The following ATP8A1 variants were observed in gnomAD, a reference collection of about 807,000 sequenced individuals.
ATP8A1 encodes ATPase phospholipid transporting 8A1.
ATP8A1 carries 90 observed loss-of-function variants against 177.7 expected under a neutral mutation model. That is an observed-to-expected ratio of 0.51 (90% CI 0.43 to 0.60). ATP8A1 has a LOEUF of 0.60. Ranked by LOEUF, ATP8A1 falls within the 20% of genes least tolerant of loss-of-function variation. The pLI, the probability that ATP8A1 is intolerant of heterozygous loss-of-function variation, is 0.00. For synonymous variants in ATP8A1, 493 were observed against 485.9 expected, an observed-to-expected ratio of 1.01 and a Z score of -0.19; for missense variants, 1,072 against 1,392.8, an observed-to-expected ratio of 0.77 and a Z score of 3.67.
intron 25 of ATP8A1, among the ~76,000 whole-genome samples, chr4:42,475,756 G>T (rs1433967619): frequency 2.6e-5 from 4 of 152,062 alleles, no homozygotes; most frequent in Non-Finnish European, 5.9e-5. Flanking sequence ...AAAAAACCAG[G>T]GCCGGGCTGG....
chr4:42,454,240 A>C (rs1718233856), intron 29 of ATP8A1, among the ~76,000 whole-genome samples: 1 of 152,204 alleles, frequency 6.6e-6, no homozygotes, highest in African/African-American at 2.4e-5. Flanking sequence ...CTTGCCCATA[A>C]ACCTAGCACT....
Position 42,605,133 on chromosome 4 carries a change from T to C in ATP8A1, c.410-4615A>G, listed in dbSNP as rs557137231. Among the ~76,000 whole-genome samples the C allele has an allele frequency of 1.4e-4, 21 of 152,356 alleles. No individual in the cohort carries two copies. In the South Asian group the frequency reaches 3.3e-3, roughly 24 times the overall value. On this transcript the variant is annotated intron_variant, in intron 5 of 36. Coordinates refer to ENST00000381668, the MANE Select transcript of ATP8A1 (RefSeq NM_006095.2). ...ACCTTGTGAATGCACTAAACACCCCTGAACTGTATCCTTCAACATGGTGAG... is the reference window on the plus strand; with the variant it reads ...ACCTTGTGAATGCACTAAACACCCCCGAACTGTATCCTTCAACATGGTGAG...
chr4:42,544,754 C>G (rs991493748), intron 19 of ATP8A1, among the ~76,000 whole-genome samples: 1 of 152,172 alleles, frequency 6.6e-6, no homozygotes, highest in African/African-American at 2.4e-5. Flanking sequence ...ACTCAAATGT[C>G]TGTATCTATT....
intron 10 of ATP8A1, among the ~76,000 whole-genome samples, chr4:42,581,197 G>C (rs183196786): frequency 2.6e-5 from 4 of 151,832 alleles, no homozygotes; most frequent in Non-Finnish European, 2.9e-5. Flanking sequence ...ACAGTGGCGC[G>C]ATCTCGGCTC....
intron 14 of ATP8A1, 95 bp from the exon 15 acceptor site, chr4:42,569,300 G>A (rs1577609047): frequency 2.2e-6 from 2 of 917,212 alleles, no homozygotes; most frequent in African/African-American, 1.7e-5. Context: ...ATAAAAAGAT[G>A]GATCACTGAA....
Position 42,624,580 on chromosome 4 carries a change from A to G in ATP8A1, c.319T>C (p.Phe107Leu). The G allele has an allele frequency of 6.6e-7, 1 of 1,504,682 alleles. No individual in the cohort carries two copies. Among genetic ancestry groups the G allele is most frequent in the African/African-American group, 1.4e-5 (1 of 70,950 alleles). The allele number at this position is 1,504,682 out of a possible 1,614,324, so 93.2% of individuals were successfully genotyped here. Reference protein sequence around the residue: ...GRYTTLVPLLFILAVAAIKEI... With the variant: ...GRYTTLVPLLLILAVAAIKEI... The stretch of plus-strand genomic sequence containing the variant: ...TTGATAGCTGCCACAGCTAAAATAA[A>G]TAAGAGAGGAACCAGTGTTGTATAA... The change falls in exon 4 of 37, where the codon TTT (phenylalanine) becomes CTT (leucine). Residue 107 changes from phenylalanine to leucine, a missense_variant. This residue lies in a region of ATP8A1 where 344 missense variants were observed against 393.5 expected (regional missense o/e 0.87). Transcript: ENST00000381668.
At chr4:42,413,338 G>A (rs1435645500) in intron 36 of ATP8A1, among the ~76,000 whole-genome samples, 1 of 152,164 alleles carries the variant, frequency 6.6e-6, no homozygotes, top group East Asian at 1.9e-4. Context: ...TGGAGGGGGT[G>A]AGGGAGTTGA....
At chr4:42,505,961 C>T (rs1379478615) in intron 23 of ATP8A1, among the ~76,000 whole-genome samples, 2 of 152,058 alleles carry the variant, frequency 1.3e-5, no homozygotes, top group Non-Finnish European at 2.9e-5. Flanking sequence ...GCTGGTACTA[C>T]AGGCTTCCAA....
intron 15 of ATP8A1, among the ~76,000 whole-genome samples, chr4:42,564,081 C>A (rs1328729079): frequency 6.6e-6 from 1 of 152,142 alleles, no homozygotes; most frequent in African/African-American, 2.4e-5. Flanking sequence ...GACAAGACAG[C>A]AGAATTCTGT....
At chr4:42,485,447 A>C in intron 25 of ATP8A1, 49 bp downstream of exon 25, 2 of 1,503,910 alleles carry the variant, frequency 1.3e-6, no homozygotes, top group Non-Finnish European at 1.8e-6. Context: ...TCAAGAACTT[A>C]GATCAAGTCA....
At chr4:42,627,252 C>A (rs918305648) in intron 1 of ATP8A1, 143 bp from the exon 2 acceptor site, 3 of 607,484 alleles carry the variant, frequency 4.9e-6, no homozygotes, top group Non-Finnish European at 8.6e-6. Flanking sequence ...TAAAAAGTAA[C>A]ATCCCCATAT....
chr4:42,443,724 C>A (rs1461465111), intron 32 of ATP8A1, 52 bp from the exon 33 acceptor site: 2 of 793,058 alleles, frequency 2.5e-6, no homozygotes, highest in South Asian at 1.4e-5. Context: ...ACCGAGTACA[C>A]AAATACTAAT....
chr4:42,452,843 C>T (rs1007689734), intron 29 of ATP8A1, among the ~76,000 whole-genome samples: 1 of 152,144 alleles, frequency 6.6e-6, no homozygotes, highest in African/African-American at 2.4e-5. Context: ...TTCTTGCAAA[C>T]AAAACTTATG....
chr4:42,476,698 T>C (rs776566177), intron 25 of ATP8A1, among the ~76,000 whole-genome samples: 3 of 151,418 alleles, frequency 2.0e-5, no homozygotes, highest in Admixed American at 6.6e-5. Flanking sequence ...AGGAAAAAAT[T>C]AGTGGAGTTT....
chr4:42,569,045 A>T, intron 15 of ATP8A1, 116 bp downstream of exon 15: 1 of 414,720 alleles, frequency 2.4e-6, no homozygotes. Flanking sequence ...ACTGCTCAGC[A>T]ATATTTTATT....
At chr4:42,585,651 T>C (rs562240355) in intron 9 of ATP8A1, among the ~76,000 whole-genome samples, 1 of 151,876 alleles carries the variant, frequency 6.6e-6, no homozygotes, top group East Asian at 1.9e-4. Context: ...GTCTAAGATA[T>C]TTTGTTACAA....
Position 42,423,731 on chromosome 4 carries a change from T to A in ATP8A1, c.3124-26A>T. 1.9e-6 allele frequency: 3 copies of A among 1,550,822 alleles called. No individual in the cohort carries two copies. In the Middle Eastern group the frequency reaches 5.0e-4, roughly 260 times the overall value. ...CTGTGTAAATCGTCAGAAAAAACAT[T>A]ACTTTAAAACCAAAAAATACATGAT... On this transcript the variant is annotated intron_variant, in intron 33 of 36. Transcript: ENST00000381668.
chr4:42,495,051 T>C (rs938523602), intron 24 of ATP8A1, among the ~76,000 whole-genome samples: 2 of 152,234 alleles, frequency 1.3e-5, no homozygotes, highest in Admixed American at 1.3e-4. Flanking sequence ...AGAGGATATA[T>C]ATAAGAATCT....
At chr4:42,473,862 C>T (rs935595295) in intron 25 of ATP8A1, among the ~76,000 whole-genome samples, 9 of 151,312 alleles carry the variant, frequency 5.9e-5, no homozygotes, top group Non-Finnish European at 8.8e-5. Context: ...CTATGCTGCC[C>T]AGGCTGGTCT....
Sources: allele counts gnomAD v4.1 joint callset (sites outside exome capture counted in the v4.1 genomes callset), GRCh38; gene constraint gnomAD v4.1.1; regional missense constraint gnomAD v4.1.1; transcripts MANE v1.5; gene names NCBI Gene and HGNC (gene_info 2026-07-23, HGNC 2026-07-21).